The following CDC27 variants were observed in gnomAD, a reference collection of about 807,000 sequenced individuals.
CDC27 encodes cell division cycle protein 27 homolog.
CDC27 carries 27 observed loss-of-function variants against 109.7 expected under a neutral mutation model. The ratio of observed to expected loss-of-function variants is 0.25; its 90% confidence interval spans 0.18 to 0.34. The LOEUF is 0.34. CDC27 is among the 10% of genes least tolerant of loss of function. CDC27 has a pLI of 1.00. For missense variants in CDC27, 579 were observed against 960.2 expected (o/e 0.60, Z 5.25); for synonymous variants, 266 against 333.9 (o/e 0.80, Z 2.22).
At chr17:47,184,746 A>G (rs2064365825) in intron 1 of CDC27, among the ~76,000 whole-genome samples, 1 of 152,178 alleles carries the variant, frequency 6.6e-6, no homozygotes, top group Non-Finnish European at 1.5e-5. Flanking sequence ...CCTGACTAAC[A>G]GTGTCTCTTG....
At chr17:47,146,624 TTAGTCCAGAC>T (rs1206680977) in intron 9 of CDC27, among the ~76,000 whole-genome samples, 3 of 152,108 alleles carry the variant, frequency 2.0e-5, no homozygotes. Flanking sequence ...TGGGACAAGA[TTAGTCCAGAC>T]TAAGGCTACT....
intron 2 of CDC27, among the ~76,000 whole-genome samples, chr17:47,180,807 G>A (rs1397699052): frequency 6.6e-6 from 1 of 151,860 alleles, no homozygotes; most frequent in Non-Finnish European, 1.5e-5. Flanking sequence ...TTTTATAGAT[G>A]AAATATCTGA....
At chr17:47,123,989 T>G in intron 16 of CDC27, 29 bp from the exon 17 acceptor site, 1 of 1,511,668 alleles carries the variant, frequency 6.6e-7, no homozygotes, top group Non-Finnish European at 8.9e-7. Context: ...AACCTTAAAG[T>G]AGCAAAAATT....
At chr17:47,165,152 T>C (rs1415296987) in intron 4 of CDC27, among the ~76,000 whole-genome samples, 2 of 152,196 alleles carry the variant, frequency 1.3e-5, no homozygotes, top group Non-Finnish European at 2.9e-5. Context: ...TACATATCAA[T>C]ATAGTAGTTT....
At chr17:47,149,847 T>C (rs1016153226) in intron 9 of CDC27, among the ~76,000 whole-genome samples, 1 of 151,722 alleles carries the variant, frequency 6.6e-6, no homozygotes, top group African/African-American at 2.4e-5. Flanking sequence ...CCCAGCTACA[T>C]GGGAGGCTGA....
chr17:47,154,636 A>C (rs555809315), intron 8 of CDC27, 36 bp downstream of exon 8: 5 of 1,085,978 alleles, frequency 4.6e-6, no homozygotes, highest in Non-Finnish European at 7.0e-6. Context: ...AAGTTGCTTT[A>C]ATCAATTCCC....
intron 15 of CDC27, among the ~76,000 whole-genome samples, chr17:47,130,756 A>T (rs2062301251): frequency 6.6e-6 from 1 of 152,094 alleles, no homozygotes; most frequent in African/African-American, 2.4e-5. Context: ...GGGCACCTGT[A>T]ATCCCAGCTA....
chr17:47,142,576 A>T (rs1402708509), intron 10 of CDC27, 140 bp from the exon 11 acceptor site: 9 of 502,096 alleles, frequency 1.8e-5, no homozygotes, highest in Non-Finnish European at 3.1e-5. Flanking sequence ...GTTTATAAAA[A>T]CAAAGGTCTT....
intron 17 of CDC27, 54 bp from the exon 18 acceptor site, chr17:47,122,654 A>G: frequency 7.4e-7 from 1 of 1,356,126 alleles, no homozygotes; most frequent in Non-Finnish European, 1.0e-6. Flanking sequence ...CTTCAACTAT[A>G]AAATTCTAAC....
chr17:47,127,522 C>A (rs535386899), intron 16 of CDC27, among the ~76,000 whole-genome samples: 1 of 152,024 alleles, frequency 6.6e-6, no homozygotes, highest in South Asian at 2.1e-4. Context: ...CCTGCCTCAG[C>A]CTCCCAGGTA....
At position 47,132,393 on chromosome 17, in the gene CDC27, G is replaced by T; in HGVS notation, c.1914-19C>A. The T allele has an allele frequency of 8.4e-7, 1 of 1,188,964 alleles. No individual in the cohort carries two copies. The highest frequency in any genetic ancestry group is 1.2e-6 in the Non-Finnish European group (1 of 833,126). 73.7% of individuals were successfully genotyped at this position (1,188,964 alleles called of 1,614,324 possible). On this transcript the variant is annotated intron_variant, in intron 14 of 18. Transcript: ENST00000066544. Reference sequence around the variant, plus strand: ...ACCATACCTGAAAGTATAAAACAAAGTATAATTTTAAAAATATAAAGTTTA... The same window carrying T: ...ACCATACCTGAAAGTATAAAACAAATTATAATTTTAAAAATATAAAGTTTA...
At chr17:47,182,915 A>T (rs2064299929) in intron 1 of CDC27, among the ~76,000 whole-genome samples, 1 of 151,760 alleles carries the variant, frequency 6.6e-6, no homozygotes, top group Non-Finnish European at 1.5e-5. Context: ...AGTCCCAGCG[A>T]CTCAGAAGGC....
chr17:47,174,974 A>ACAGGC, intron 2 of CDC27, among the ~76,000 whole-genome samples: 1 of 108,122 alleles, frequency 9.2e-6, no homozygotes, highest in Non-Finnish European at 2.2e-5. Context: ...TCGAAACAGG[A>ACAGGC]CAGGACAGGA....
chr17:47,167,987 T>TGAA (rs1280893852), intron 4 of CDC27, among the ~76,000 whole-genome samples: 1 of 152,208 alleles, frequency 6.6e-6, no homozygotes, highest in Non-Finnish European at 1.5e-5. Flanking sequence ...AGGATACAGA[T>TGAA]GAAGAGTGCA....
At chr17:47,143,425 T>C (rs2062858557) in intron 10 of CDC27, among the ~76,000 whole-genome samples, 1 of 152,220 alleles carries the variant, frequency 6.6e-6, no homozygotes, top group Non-Finnish European at 1.5e-5. Flanking sequence ...TCAGTTTTTA[T>C]ATAAACCCGT....
At chr17:47,140,859 C>T (rs1048669300) in intron 12 of CDC27, among the ~76,000 whole-genome samples, 4 of 152,148 alleles carry the variant, frequency 2.6e-5, no homozygotes, top group Non-Finnish European at 4.4e-5. Context: ...TGTATGTATT[C>T]CCTGTGGGAA....
rs776145016 is a variant in CDC27 at position 47,137,181 on chromosome 17, G to C, written c.1884C>G (p.Ile628Met). ...CATTATAATGTCTAGGATTGACTCT[G>C]ATAGCATTTCGAAAACAAGCTAATG... ...DKALACFRNA[I>M]RVNPRHYNAW... Residue 628 changes from isoleucine (I) to methionine (M), a missense_variant, in exon 14 of 19, where the codon ATC (isoleucine) becomes ATG (methionine). Around this residue, in one of 9 missense-constraint regions of CDC27, gnomAD observed 227 missense variants for 363.6 expected, o/e 0.62. Transcript: ENST00000066544. 4.4e-6 allele frequency: 7 copies of C among 1,608,138 alleles called. No homozygotes were observed. Among genetic ancestry groups the C allele is most frequent in the Non-Finnish European group, 5.1e-6 (6 of 1,177,592 alleles).
At chr17:47,125,193 T>A (rs554376776) in intron 16 of CDC27, among the ~76,000 whole-genome samples, 1 of 151,032 alleles carries the variant, frequency 6.6e-6, no homozygotes, top group Non-Finnish European at 1.5e-5. Flanking sequence ...GTGCTAGGAT[T>A]ACAGTTGTGA....
At position 47,157,213 on chromosome 17, in the gene CDC27, G is replaced by A. The variant is rs1195897031; in HGVS notation, c.630+17C>T. ...AGTTTTCATAATATTTTGAACACTA[G>A]AATATAAGACACTTACAATTGTGTC... On this transcript the variant is annotated intron_variant, in intron 6 of 18. Coordinates refer to ENST00000066544, the MANE Select transcript of CDC27 (RefSeq NM_001256.6). The A allele has an allele frequency of 6.3e-7, 1 of 1,598,622 alleles. No individual in the cohort carries two copies. The highest frequency in any genetic ancestry group is 1.7e-5 in the Admixed American group (1 of 58,208).
Sources: allele counts gnomAD v4.1 joint callset (sites outside exome capture counted in the v4.1 genomes callset), GRCh38; gene constraint gnomAD v4.1.1; regional missense constraint gnomAD v4.1.1; transcripts MANE v1.5; gene names NCBI Gene and HGNC (gene_info 2026-07-23, HGNC 2026-07-21).